Variants in KCNQ1 observed in about 807,000 individuals in gnomAD.
KCNQ1 encodes the protein potassium voltage-gated channel subfamily Q member 1.
Under a neutral mutation model 72.4 loss-of-function variants are expected in KCNQ1, and 49 were observed. The ratio of observed to expected loss-of-function variants is 0.68; its 90% CI spans 0.54 to 0.86. The LOEUF (loss-of-function observed/expected upper bound fraction) is 0.86. Among genes scored for constraint, KCNQ1 ranks in the 40% least tolerant of loss-of-function variants. KCNQ1 has a pLI of 0.00. For missense variants in KCNQ1, 790 were observed against 945.1 expected (o/e 0.84, Z 2.15); for synonymous variants, 450 against 412.6 (o/e 1.09, Z -1.10).
intron 11 of KCNQ1, chr11:2,696,011 T>C: frequency 2.5e-6 from 1 of 398,602 alleles, no homozygotes; most frequent in Non-Finnish European, 4.4e-6. Context: ...CATTCATGAG[T>C]GTAAAAGTGA....
intron 8 of KCNQ1, 49 bp downstream of exon 8, chr11:2,585,356 T>C: frequency 6.6e-7 from 1 of 1,526,464 alleles, no homozygotes; most frequent in Non-Finnish European, 9.1e-7. Context: ...TCACTGTTAT[T>C]GTTGCATCCA....
At chr11:2,618,330 A>C in intron 10 of KCNQ1, 1 of 398,598 alleles carries the variant, frequency 2.5e-6, no homozygotes, top group Admixed American at 4.4e-5. Flanking sequence ...AAAAAATTCA[A>C]TGTTTTAACA....
At chr11:2,730,429 C>T (rs1331307989) in intron 11 of KCNQ1, among the ~76,000 whole-genome samples, 2 of 152,186 alleles carry the variant, frequency 1.3e-5, no homozygotes, top group Admixed American at 6.5e-5. Flanking sequence ...AGGGAGGCCC[C>T]ACCTCCCTTG....
chr11:2,627,429 G>A lies in KCNQ1; in HGVS notation c.1394-34532G>A. The stretch of plus-strand genomic sequence containing the variant: ...GAACTTATTCATCTGATAACTCTAT[G>A]TTTGTACCCTTCAACATTTCCTATT... On this transcript the variant is annotated intron_variant, in intron 10 of 15. Transcript: ENST00000155840. This position sits in a 1 kb window ranked among gnomAD's most constrained non-coding sequence, Gnocchi z 4.9. The A allele has an allele frequency of 2.5e-6, 1 of 398,462 alleles. No individual in the cohort carries two copies. 24.7% of individuals were successfully genotyped at this position (398,462 alleles called of 1,614,324 possible). A position where few individuals can be genotyped will look rare whatever the true frequency, so the allele number is the denominator to read the frequency against.
chr11:2,664,753 G>T lies in KCNQ1; in HGVS notation c.1514+2672G>T. ...GTGTGAGGGACAGGGATGTGTGCTG[G>T]GGTCTCACAGGGGGCAGAGTGGGTG... On this transcript the variant is annotated intron_variant, in intron 11 of 15. Transcript: ENST00000155840. The surrounding 1 kb of genome is among the most constrained non-coding windows in gnomAD (Gnocchi z 5.1). 1 of 398,768 alleles carries T rather than the reference G, an allele frequency of 2.5e-6. No homozygotes were observed. Among genetic ancestry groups the T allele is most frequent in the Non-Finnish European group, 4.4e-6 (1 of 226,194 alleles). 24.7% of individuals were successfully genotyped at this position (398,768 alleles called of 1,614,324 possible).
At position 2,826,254 on chromosome 11, in the gene KCNQ1, A is replaced by G. The variant is rs1021370780; in HGVS notation, c.1795-21513A>G. On this transcript the variant is annotated intron_variant, in intron 15 of 15. Transcript: ENST00000155840. This position sits in a 1 kb window ranked among gnomAD's most constrained non-coding sequence, Gnocchi z 4.2. ...TCACGTCAGCTGTGACTTGGAAGGA[A>G]AGAGGGCCCGGCCTTTGAAAAATGA... is the stretch of plus-strand genomic sequence containing the variant. Among the ~76,000 whole-genome samples the G allele has an allele frequency of 2.6e-5, 4 of 152,210 alleles. No homozygotes were observed. The highest frequency in any genetic ancestry group is 9.6e-5 in the African/African-American group (4 of 41,462).
Position 2,611,729 on chromosome 11 carries a change from G to T in KCNQ1, c.1393+22875G>T. 5.0e-6 allele frequency: 2 copies of T among 398,432 alleles called. No homozygotes were observed. The highest frequency in any genetic ancestry group is 4.4e-6 in the Non-Finnish European group (1 of 226,010). 24.7% of individuals were successfully genotyped at this position (398,432 alleles called of 1,614,324 possible). On this transcript the variant is annotated intron_variant, in intron 10 of 15. Coordinates refer to ENST00000155840, the MANE Select transcript of KCNQ1 (RefSeq NM_000218.3). This position sits in a 1 kb window ranked among gnomAD's most constrained non-coding sequence, Gnocchi z 5.3. ...TGTAATATAATTATTGATATGGAAG[G>T]ATTTATATCTACCATGTTGTTATTT... is the stretch of plus-strand genomic sequence containing the variant.
chr11:2,571,527 C>G, intron 4 of KCNQ1, 124 bp downstream of exon 4: 1 of 786,204 alleles, frequency 1.3e-6, no homozygotes, highest in Non-Finnish European at 2.2e-6. Context: ...GCCCACTGCC[C>G]CCGGGGGCAC....
In KCNQ1 at chr11:2,477,842, A is replaced by G. The variant is rs1231730809; in HGVS notation, c.386+32358A>G. 1.3e-5 allele frequency among the ~76,000 whole-genome samples: 2 copies of G among 152,208 alleles called. No individual in the cohort carries two copies. Among genetic ancestry groups the G allele is most frequent in the Non-Finnish European group, 2.9e-5 (2 of 68,030 alleles). The stretch of plus-strand genomic sequence containing the variant: ...CATCCACAGGGACACACCCATGTAT[A>G]TAAACAAATAAGTGGAAGAAAGGAA... On this transcript the variant is annotated intron_variant, in intron 1 of 15. Transcript: ENST00000155840. The surrounding 1 kb of genome is among the most constrained non-coding windows in gnomAD (Gnocchi z 5.0).
At position 2,803,902 on chromosome 11, in the gene KCNQ1, G is replaced by A. The variant is rs1242773896; in HGVS notation, c.1794+25865G>A. ...CCCACACCAGCCATTGGATGGGGCC[G>A]CCTCTGCCACCTGCTCCAGCCACCT... On this transcript the variant is annotated intron_variant, in intron 15 of 15. Transcript: ENST00000155840. The surrounding 1 kb of genome is among the most constrained non-coding windows in gnomAD (Gnocchi z 6.4). Among the ~76,000 whole-genome samples the A allele has an allele frequency of 3.9e-5, 6 of 152,210 alleles. No homozygotes were observed. Among genetic ancestry groups the A allele is most frequent in the African/African-American group, 1.4e-4 (6 of 41,508 alleles).
rs564822980 is a variant in KCNQ1 at position 2,663,054 on chromosome 11, G to C, written c.1514+973G>C. 1.3e-3 allele frequency: 500 copies of C among 398,764 alleles called. 1 individual carries two copies. Among genetic ancestry groups the C allele is most frequent in the Non-Finnish European group, 1.9e-3 (433 of 226,166 alleles). 24.7% of individuals were successfully genotyped at this position (398,764 alleles called of 1,614,324 possible). A position where few individuals can be genotyped will look rare whatever the true frequency, so the allele number is the denominator to read the frequency against. On this transcript the variant is annotated intron_variant, in intron 11 of 15. Coordinates refer to ENST00000155840, the MANE Select transcript of KCNQ1 (RefSeq NM_000218.3). This position sits in a 1 kb window ranked among gnomAD's most constrained non-coding sequence, Gnocchi z 5.2. ...GCTGGGGGCTGCAGGTGTAACCAGAGAACTGGCAGGGTTGGGTAGCCAGAA... is the reference window on the plus strand; with the variant it reads ...GCTGGGGGCTGCAGGTGTAACCAGACAACTGGCAGGGTTGGGTAGCCAGAA...
At chr11:2,587,510 C>T (rs2133757957) in intron 8 of KCNQ1, 60 bp from the exon 9 acceptor site, 1 of 1,610,660 alleles carries the variant, frequency 6.2e-7, no homozygotes, top group African/African-American at 1.3e-5. Context: ...CTGTAGCTTC[C>T]ATAAGGGCCC....
chr11:2,637,080 TATTA>T (rs1849483183), intron 10 of KCNQ1: 1 of 152,212 alleles, frequency 6.6e-6, no homozygotes, highest in Non-Finnish European at 1.5e-5. Flanking sequence ...CTCTCTTCTT[TATTA>T]GTCTTGCTAG....
At chr11:2,800,141 C>T (rs1365754798) in intron 15 of KCNQ1, among the ~76,000 whole-genome samples, 1 of 152,188 alleles carries the variant, frequency 6.6e-6, no homozygotes, top group Admixed American at 6.5e-5. Context: ...GCCCTGTCTC[C>T]AGAGCCCACA....
Position 2,462,891 on chromosome 11 carries a change from C to T in KCNQ1, c.386+17407C>T, listed in dbSNP as rs759503067. Among the ~76,000 whole-genome samples, 3 of 152,168 alleles carry T rather than the reference C, an allele frequency of 2.0e-5. No individual in the cohort carries two copies. Among genetic ancestry groups the T allele is most frequent in the Non-Finnish European group, 4.4e-5 (3 of 68,026 alleles). On this transcript the variant is annotated intron_variant, in intron 1 of 15. Coordinates refer to ENST00000155840, the MANE Select transcript of KCNQ1 (RefSeq NM_000218.3). The surrounding 1 kb of genome is among the most constrained non-coding windows in gnomAD (Gnocchi z 8.2). ...CAAACCTGGGTCCATGTGCCGTGCCCAGCCTGGGGTTCAGGTTTCTTCCCC... is the reference window on the plus strand; with the variant it reads ...CAAACCTGGGTCCATGTGCCGTGCCTAGCCTGGGGTTCAGGTTTCTTCCCC...
rs1176921276 is a variant in KCNQ1 at position 2,679,467 on chromosome 11, T to C, written c.1514+17386T>C. The C allele has an allele frequency of 5.0e-6, 2 of 398,642 alleles. No homozygotes were observed. The highest frequency in any genetic ancestry group is 8.8e-6 in the Non-Finnish European group (2 of 226,074). The allele number at this position is 398,642 out of a possible 1,614,324, so 24.7% of individuals were successfully genotyped here. On this transcript the variant is annotated intron_variant, in intron 11 of 15. Transcript: ENST00000155840. This position sits in a 1 kb window ranked among gnomAD's most constrained non-coding sequence, Gnocchi z 4.8. ...TTACACAAATTAATAATATAAAGTA[T>C]GCAGAAAAGTGCCTGTCCTATAGTA...
intron 15 of KCNQ1, among the ~76,000 whole-genome samples, chr11:2,812,609 C>T (rs1194553221): frequency 6.6e-6 from 1 of 152,210 alleles, no homozygotes; most frequent in African/African-American, 2.4e-5. Flanking sequence ...TTTCTCTCTC[C>T]CCCTACATTC....
Position 2,612,133 on chromosome 11 carries a change from G to A in KCNQ1, c.1393+23279G>A. The stretch of plus-strand genomic sequence containing the variant: ...ACCCCAGGGCCATGGACTGGTACCA[G>A]TCTGTGGCCTATTAGAAACTGGGCT... On this transcript the variant is annotated intron_variant, in intron 10 of 15. Transcript: ENST00000155840. The surrounding 1 kb of genome is among the most constrained non-coding windows in gnomAD (Gnocchi z 5.5). 1 of 398,672 alleles carries A rather than the reference G, an allele frequency of 2.5e-6. No homozygotes were observed. The highest frequency in any genetic ancestry group is 4.4e-6 in the Non-Finnish European group (1 of 226,076). The allele number at this position is 398,672 out of a possible 1,614,324, so 24.7% of individuals were successfully genotyped here.
intron 6 of KCNQ1, among the ~76,000 whole-genome samples, chr11:2,574,426 C>T (rs1337539909): frequency 1.3e-5 from 2 of 148,362 alleles, no homozygotes; most frequent in Admixed American, 6.8e-5. Context: ...GAAGCCCACA[C>T]AGGGTGGGAG....
Sources: allele counts gnomAD v4.1 joint callset (sites outside exome capture counted in the v4.1 genomes callset), GRCh38; gene constraint gnomAD v4.1.1; non-coding constraint Gnocchi (gnomAD v3.1); transcripts MANE v1.5; gene names NCBI Gene and HGNC (gene_info 2026-07-23, HGNC 2026-07-21).